Variants in NAV2 observed in about 807,000 individuals in gnomAD.
NAV2 encodes the protein helicase, APC down-regulated 1.
In NAV2, 54 loss-of-function variants were observed where a neutral mutation model predicts 223.2. That is an observed-to-expected ratio of 0.24 (90% confidence interval 0.19 to 0.30). NAV2 has a LOEUF of 0.30. NAV2 is among the 10% of genes least tolerant of loss of function. NAV2 has a pLI of 1.00. For missense variants in NAV2, 2,806 were observed against 3,147.5 expected (o/e 0.89, Z 2.60); for synonymous variants, 1,279 against 1,239.3 (o/e 1.03, Z -0.67).
At chr11:19,462,338 C>T (rs1358132613) in intron 1 of NAV2, among the ~76,000 whole-genome samples, 2 of 152,164 alleles carry the variant, frequency 1.3e-5, no homozygotes, top group Admixed American at 6.5e-5. Flanking sequence ...TTCCATACCA[C>T]ATTGGAAAAC....
At chr11:20,013,579 G>A (rs184777755) in intron 11 of NAV2, among the ~76,000 whole-genome samples, 71 of 152,134 alleles carry the variant, frequency 4.7e-4, no homozygotes, top group Non-Finnish European at 7.8e-4. Flanking sequence ...GGGAAACAAT[G>A]AAATACCAAA....
At chr11:19,795,756 A>G (rs549046348) in intron 1 of NAV2, among the ~76,000 whole-genome samples, 2 of 152,222 alleles carry the variant, frequency 1.3e-5, no homozygotes, top group Admixed American at 6.5e-5. Flanking sequence ...GGAAAGTGTG[A>G]TGAAGGTTTG....
intron 1 of NAV2, among the ~76,000 whole-genome samples, chr11:19,400,364 G>A (rs1290045499): frequency 2.0e-5 from 3 of 152,284 alleles, no homozygotes; most frequent in African/African-American, 2.4e-5. Context: ...GGTCCTAACC[G>A]TGTGATAAGG....
chr11:19,631,230 A>G (rs564970340), intron 1 of NAV2, among the ~76,000 whole-genome samples: 32 of 152,138 alleles, frequency 2.1e-4, no homozygotes, highest in Admixed American at 5.2e-4. Context: ...AGCATTAGGT[A>G]TATCTCCCAA....
intron 1 of NAV2, among the ~76,000 whole-genome samples, chr11:19,496,681 A>G (rs561781369): frequency 6.6e-6 from 1 of 152,346 alleles, no homozygotes; most frequent in East Asian, 1.9e-4. Context: ...AGTGCTACAC[A>G]AGGGCCTGAA....
At chr11:20,026,918 CA>C (rs2055141348) in intron 11 of NAV2, among the ~76,000 whole-genome samples, 1 of 152,200 alleles carries the variant, frequency 6.6e-6, no homozygotes, top group Non-Finnish European at 1.5e-5. Context: ...TGACACATAG[CA>C]AACCATTAAT....
At chr11:19,354,251 C>A (rs1853487896) in intron 1 of NAV2, among the ~76,000 whole-genome samples, 1 of 152,234 alleles carries the variant, frequency 6.6e-6, no homozygotes, top group Non-Finnish European at 1.5e-5. Flanking sequence ...TAGATCAGTG[C>A]TCTCCAACAG....
At chr11:19,473,213 G>A (rs1402362365) in intron 1 of NAV2, among the ~76,000 whole-genome samples, 2 of 152,130 alleles carry the variant, frequency 1.3e-5, no homozygotes, top group African/African-American at 4.8e-5. Context: ...GCCAAGTTAA[G>A]CTTGCTTCTT....
intron 1 of NAV2, among the ~76,000 whole-genome samples, chr11:19,584,386 T>C (rs2045824733): frequency 6.6e-6 from 1 of 152,240 alleles, no homozygotes; most frequent in Non-Finnish European, 1.5e-5. Context: ...CCTTCAGTTC[T>C]GCTTTGATTT....
At chr11:19,420,504 T>A (rs908073981) in intron 1 of NAV2, among the ~76,000 whole-genome samples, 1 of 152,214 alleles carries the variant, frequency 6.6e-6, no homozygotes, top group African/African-American at 2.4e-5. Flanking sequence ...AAAATCTGAG[T>A]AGTATTCATA....
chr11:19,904,361 G>A (rs2042691012), intron 6 of NAV2, among the ~76,000 whole-genome samples: 1 of 152,092 alleles, frequency 6.6e-6, no homozygotes, highest in East Asian at 1.9e-4. Context: ...GGAAGAGACA[G>A]TAAACAAATG....
At chr11:19,561,873 C>T (rs1172629244) in intron 1 of NAV2, among the ~76,000 whole-genome samples, 1 of 152,178 alleles carries the variant, frequency 6.6e-6, no homozygotes, top group Non-Finnish European at 1.5e-5. Flanking sequence ...AAGAAGAGAT[C>T]CTGCCCCACT....
intron 1 of NAV2, among the ~76,000 whole-genome samples, chr11:19,401,091 A>G (rs1054871093): frequency 6.6e-6 from 1 of 152,214 alleles, no homozygotes; most frequent in Non-Finnish European, 1.5e-5. Context: ...AGCCTAATGG[A>G]TTTAGGAAAC....
chr11:19,754,128 GA>G (rs1209392080), intron 1 of NAV2, among the ~76,000 whole-genome samples: 1 of 152,144 alleles, frequency 6.6e-6, no homozygotes, highest in Non-Finnish European at 1.5e-5. Flanking sequence ...CTTAGTCCAG[GA>G]TACAATGACC....
intron 3 of NAV2, among the ~76,000 whole-genome samples, chr11:19,850,392 A>T (rs1272555470): frequency 2.0e-5 from 3 of 152,156 alleles, no homozygotes; most frequent in African/African-American, 7.2e-5. Context: ...CATTTTGGTG[A>T]CTGGGCCTGT....
In NAV2 at chr11:19,977,798, C is replaced by CTTTTT. The variant is rs1221334182; in HGVS notation, c.2646-6308_2646-6304dup. ...TCTTTTCAGAGAGGTCAACTTTTTT[C>CTTTTT]TTTTTTTTTTTTTTTTTTTTTTTGA... On this transcript the variant is annotated intron_variant, in intron 10 of 37. Transcript: ENST00000349880. Among the ~76,000 whole-genome samples the CTTTTT allele has an allele frequency of 9.5e-4, 86 of 90,782 alleles. 2 individuals are homozygous for CTTTTT. The highest frequency in any genetic ancestry group is 3.2e-3 in the African/African-American group (76 of 23,994). 59.6% of individuals were successfully genotyped at this position (90,782 alleles called of 152,430 possible). A position where few individuals can be genotyped will look rare whatever the true frequency, so the allele number is the denominator to read the frequency against.
chr11:19,800,670 T>TGG (rs1220007114), intron 1 of NAV2, among the ~76,000 whole-genome samples: 7 of 127,788 alleles, frequency 5.5e-5, no homozygotes, highest in African/African-American at 2.1e-4. Flanking sequence ...AAAAGGAGAA[T>TGG]GGGTGTGTGT....
At chr11:19,422,051 C>A (rs1252331292) in intron 1 of NAV2, among the ~76,000 whole-genome samples, 1 of 152,132 alleles carries the variant, frequency 6.6e-6, no homozygotes, top group East Asian at 1.9e-4. Flanking sequence ...GATGTTCAAG[C>A]CCAAGAGCCT....
intron 1 of NAV2, among the ~76,000 whole-genome samples, chr11:19,753,091 C>T (rs2152506270): frequency 6.6e-6 from 1 of 152,310 alleles, no homozygotes; most frequent in South Asian, 2.1e-4. Flanking sequence ...AAGAACCTAA[C>T]CATGCTGGCA....
Sources: gnomAD v4.1 joint callset for allele counts (sites outside exome capture counted in the v4.1 genomes callset) on GRCh38, gnomAD v4.1.1 for gene constraint, MANE v1.5 for transcripts, NCBI Gene and HGNC (gene_info 2026-07-23, HGNC 2026-07-21) for gene names.